FGFR2: variants seen among roughly 807,000 people sequenced by gnomAD.
FGFR2 encodes BEK fibroblast growth factor receptor.
A neutral mutation model predicts 95.9 loss-of-function variants in FGFR2; 19 were observed. The ratio of observed to expected loss-of-function variants is 0.20; its 90% confidence interval spans 0.14 to 0.29. The LOEUF is 0.29. Ranked by LOEUF, FGFR2 falls within the 10% of genes least tolerant of loss-of-function variation. FGFR2 has a pLI of 1.00. For synonymous variants in FGFR2, 392 were observed against 393.3 expected (o/e 1.00, Z 0.04); for missense variants, 707 against 1,056.9 (o/e 0.67, Z 4.59).
chr10:121,554,080 C>T (rs1252123948), intron 4 of FGFR2, among the ~76,000 whole-genome samples: 2 of 152,166 alleles, frequency 1.3e-5, no homozygotes, highest in African/African-American at 4.8e-5. Flanking sequence ...CAAAGCTACA[C>T]CTATAAAATC....
intron 6 of FGFR2, among the ~76,000 whole-genome samples, chr10:121,533,030 C>T (rs1852304910): frequency 6.6e-6 from 1 of 152,246 alleles, no homozygotes; most frequent in African/African-American, 2.4e-5. Context: ...CAACAACTGC[C>T]TGCTGCTTAC....
intron 6 of FGFR2, chr10:121,526,612 G>C (rs1332457032): frequency 5.0e-6 from 2 of 398,036 alleles, no homozygotes; most frequent in Non-Finnish European, 8.9e-6. Context: ...AAAAGGGAAC[G>C]CTATGACGGC....
intron 10 of FGFR2, among the ~76,000 whole-genome samples, chr10:121,502,075 CAGTT>C (rs1409816267): frequency 7.9e-5 from 12 of 152,300 alleles, no homozygotes; most frequent in Non-Finnish European, 4.4e-5. Context: ...TGGGAGGTAA[CAGTT>C]GGGCACATAC....
intron 13 of FGFR2, 140 bp from the exon 14 acceptor site, chr10:121,488,253 C>T (rs1015387262): frequency 1.6e-6 from 2 of 1,240,132 alleles, no homozygotes; most frequent in South Asian, 1.3e-5. Flanking sequence ...ATAAGAAATA[C>T]AGTGTGGCCG....
chr10:121,520,883 T>C (rs893681860), intron 6 of FGFR2, among the ~76,000 whole-genome samples: 6 of 152,264 alleles, frequency 3.9e-5, no homozygotes, highest in Non-Finnish European at 8.8e-5. Context: ...GCTCAAGCGA[T>C]CCACCTGCCT....
intron 2 of FGFR2, among the ~76,000 whole-genome samples, chr10:121,593,228 TCTC>T (rs1466896378): frequency 1.3e-5 from 2 of 152,232 alleles, no homozygotes; most frequent in Non-Finnish European, 2.9e-5. Flanking sequence ...CAAGCCTCTC[TCTC>T]TGTGCTAAAC....
At chr10:121,576,153 C>G (rs1859715992) in intron 2 of FGFR2, among the ~76,000 whole-genome samples, 1 of 152,198 alleles carries the variant, frequency 6.6e-6, no homozygotes. Context: ...CGCCACTGCC[C>G]TCCAACCTGG....
Position 121,593,926 on chromosome 10 carries a change from G to C in FGFR2, c.-109C>G. On this transcript the variant is annotated 5_prime_UTR_variant, in exon 2 of 18. Transcript: ENST00000358487. Reference sequence around the variant, plus strand: ...CTACGCGCAATGCCTTCAGCCTGCGGTGGGCTCAGGAACCGAGGCGCTGCC... The same window carrying C: ...CTACGCGCAATGCCTTCAGCCTGCGCTGGGCTCAGGAACCGAGGCGCTGCC... 9.8e-7 allele frequency: 1 copy of C among 1,020,486 alleles called. No individual in the cohort carries two copies. Among genetic ancestry groups the C allele is most frequent in the Non-Finnish European group, 1.5e-6 (1 of 650,840 alleles). 63.2% of individuals were successfully genotyped at this position (1,020,486 alleles called of 1,614,324 possible).
intron 2 of FGFR2, among the ~76,000 whole-genome samples, chr10:121,579,813 A>C (rs749742641): frequency 6.6e-5 from 10 of 152,110 alleles, no homozygotes; most frequent in Non-Finnish European, 1.5e-4. Flanking sequence ...CCACAGAGCT[A>C]AGGGCCTGCG....
intron 9 of FGFR2, among the ~76,000 whole-genome samples, chr10:121,507,198 T>C (rs1211814529): frequency 1.3e-5 from 2 of 152,214 alleles, no homozygotes; most frequent in Non-Finnish European, 2.9e-5. Flanking sequence ...TGCGGTCAGA[T>C]TGTCAGGGTC....
intron 2 of FGFR2, among the ~76,000 whole-genome samples, chr10:121,573,892 G>A (rs191866193): frequency 3.9e-4 from 59 of 152,214 alleles, no homozygotes; most frequent in African/African-American, 1.2e-3. Flanking sequence ...TAAATGTCAC[G>A]GCTGTAGGGC....
intron 6 of FGFR2, among the ~76,000 whole-genome samples, chr10:121,537,809 C>T (rs1458736472): frequency 1.3e-5 from 2 of 152,148 alleles, no homozygotes; most frequent in Non-Finnish European, 2.9e-5. Flanking sequence ...TCTTAACCTG[C>T]CATCCTGCAA....
At chr10:121,538,289 C>A in intron 6 of FGFR2, 1 of 765,448 alleles carries the variant, frequency 1.3e-6, no homozygotes, top group South Asian at 1.4e-5. Flanking sequence ...TTCACCTGCC[C>A]AATTAACATT....
intron 1 of FGFR2, 37 bp from the exon 2 acceptor site, chr10:121,594,004 C>A: frequency 1.5e-6 from 1 of 682,672 alleles, no homozygotes; most frequent in South Asian, 1.6e-5. Flanking sequence ...GGAATCTTCC[C>A]CAATGCCAAA....
chr10:121,509,626 G>A (rs1454306503), intron 9 of FGFR2, among the ~76,000 whole-genome samples: 1 of 151,018 alleles, frequency 6.6e-6, no homozygotes, highest in Non-Finnish European at 1.5e-5. Context: ...TGGGATTACA[G>A]GCATGTACCA....
chr10:121,496,416 T>C, intron 13 of FGFR2, 116 bp downstream of exon 13: 1 of 1,011,488 alleles, frequency 9.9e-7, no homozygotes, highest in Non-Finnish European at 1.6e-6. Context: ...ATTTTCCAGG[T>C]TGTACAAGAC....
intron 4 of FGFR2, among the ~76,000 whole-genome samples, chr10:121,555,165 G>A (rs1283270950): frequency 6.6e-6 from 1 of 152,156 alleles, no homozygotes; most frequent in Non-Finnish European, 1.5e-5. Flanking sequence ...CTGAGGTCAG[G>A]AGTCCGAGAC....
intron 9 of FGFR2, among the ~76,000 whole-genome samples, chr10:121,509,472 TGTTTC>T (rs1848747708): frequency 7.1e-6 from 1 of 141,590 alleles, no homozygotes; most frequent in Admixed American, 7.3e-5. Context: ...CAGTGTTATC[TGTTTC>T]TTTTCTTTTT....
rs41295525 is a variant in FGFR2, at chr10:121,527,260, T to G, written c.749-7091A>C. ...TTGGGGTTGAGTGGCTTCTACCAGC[T>G]GGGTATCAATTTGGGTCTTCTTGGG... On this transcript the variant is annotated intron_variant, in intron 6 of 17. Transcript: ENST00000358487. 1.8e-4 allele frequency among the ~76,000 whole-genome samples: 28 copies of G among 152,322 alleles called. No individual in the cohort carries two copies. The South Asian group carries it at 3.3e-3, about 18-fold the overall frequency.
Sources: gnomAD v4.1 joint callset for allele counts (sites outside exome capture counted in the v4.1 genomes callset) on GRCh38, gnomAD v4.1.1 for gene constraint, MANE v1.5 for transcripts, NCBI Gene and HGNC (gene_info 2026-07-23, HGNC 2026-07-21) for gene names.